NLGN1: variants seen among roughly 807,000 people sequenced by gnomAD.
The protein encoded by NLGN1 is neuroligin-1.
In NLGN1, 12 loss-of-function variants were observed where a neutral mutation model predicts 65.5. The observed-to-expected ratio is 0.18, with a 90% CI of 0.12 to 0.30. The LOEUF (loss-of-function observed/expected upper bound fraction) is 0.30, where lower values mean the gene tolerates loss of function less well. Among genes scored for constraint, NLGN1 ranks in the 10% least tolerant of loss-of-function variants. The pLI, the probability that NLGN1 is intolerant of heterozygous loss-of-function variation, is 1.00. For missense variants in NLGN1, 750 were observed against 1,007.1 expected, an observed-to-expected ratio of 0.74 and a Z score of 3.46; for synonymous variants, 350 against 359.5, an observed-to-expected ratio of 0.97 and a Z score of 0.30.
At chr3:174,226,038 ATGT>A (rs1217240250) in intron 4 of NLGN1, among the ~76,000 whole-genome samples, 1 of 152,128 alleles carries the variant, frequency 6.6e-6, no homozygotes, top group Non-Finnish European at 1.5e-5. Flanking sequence ...ACTGAAGGTG[ATGT>A]TCTCTTTATG....
At chr3:173,644,579 A>C (rs545574385) in intron 3 of NLGN1, 1 of 164,002 alleles carries the variant, frequency 6.1e-6, no homozygotes, top group Admixed American at 6.5e-5. Context: ...ATCACCCTGG[A>C]GTATGCTGTG....
chr3:173,699,044 C>T (rs376971634), intron 3 of NLGN1, among the ~76,000 whole-genome samples: 43 of 152,130 alleles, frequency 2.8e-4, no homozygotes, highest in Admixed American at 1.6e-3. Flanking sequence ...TTAGTAGAGA[C>T]GCGTTATCTC....
rs1183753968 is a variant in NLGN1 at position 173,857,019 on chromosome 3, AT to A, written c.646+49188del. On this transcript the variant is annotated intron_variant, in intron 4 of 6. Coordinates refer to ENST00000457714, the Ensembl canonical transcript of NLGN1. ...CTTTGGTATTTGCAAAAGGCGTTAG[AT>A]AAAAAAAAAAAAAAGAGGCATGAAT... Among the ~76,000 whole-genome samples the A allele has an allele frequency of 6.4e-3, 566 of 88,144 alleles. 5 individuals carry two copies. Among genetic ancestry groups the A allele is most frequent in the African/African-American group, 0.018 (520 of 29,210 alleles). The allele number at this position is 88,144 out of a possible 152,430, so 57.8% of individuals were successfully genotyped here.
intron 4 of NLGN1, among the ~76,000 whole-genome samples, chr3:174,158,975 T>G (rs1725991610): frequency 6.6e-6 from 1 of 151,642 alleles, no homozygotes; most frequent in African/African-American, 2.4e-5. Context: ...TCAAAAATTG[T>G]GTTTTTGCAG....
chr3:173,800,530 A>C (rs1488552), intron 3 of NLGN1, among the ~76,000 whole-genome samples: 103,395 of 151,310 alleles, frequency 0.68, 36,028 homozygotes, highest in Non-Finnish European at 0.75. Flanking sequence ...TTTTTTAAAA[A>C]ATTAATATTA....
intron 2 of NLGN1, among the ~76,000 whole-genome samples, chr3:173,598,457 G>T: frequency 6.6e-6 from 1 of 152,088 alleles, no homozygotes; most frequent in East Asian, 1.9e-4. Flanking sequence ...GTATGAACAC[G>T]CTGCTTTAGA....
chr3:173,653,170 A>G (rs1206327244), intron 3 of NLGN1, among the ~76,000 whole-genome samples: 3 of 152,170 alleles, frequency 2.0e-5, no homozygotes, highest in Non-Finnish European at 2.9e-5. Flanking sequence ...TAGATATAAC[A>G]TCATATCATC....
At chr3:173,921,590 A>G (rs1487238334) in intron 4 of NLGN1, among the ~76,000 whole-genome samples, 1 of 151,934 alleles carries the variant, frequency 6.6e-6, no homozygotes, top group Non-Finnish European at 1.5e-5. Flanking sequence ...TTATCAAGAT[A>G]TTTTTCCAAC....
Position 173,877,977 on chromosome 3 carries a change from A to G in NLGN1, c.646+70145A>G, listed in dbSNP as rs574800441. On this transcript the variant is annotated intron_variant, in intron 4 of 6. Transcript: ENST00000457714. ...ACTACTGTTATATGGTCTTCAAATT[A>G]ACTGACTTACCTCTAGGGAATACAG... Among the ~76,000 whole-genome samples, 8 of 152,330 alleles carry G rather than the reference A, an allele frequency of 5.3e-5. No homozygotes were observed. In the East Asian group the frequency reaches 7.7e-4, roughly 15 times the overall value.
In NLGN1 at chr3:173,973,505, C is replaced by T. The variant is rs1033052185; in HGVS notation, c.646+165673C>T. On this transcript the variant is annotated intron_variant, in intron 4 of 6. Transcript: ENST00000457714. ...AATTAGTCAAGCTCTGAAGGAGTTT[C>T]GAATAAATATATGATAACAAATTTT... Among the ~76,000 whole-genome samples the T allele has an allele frequency of 2.7e-5, 4 of 150,476 alleles. No homozygotes were observed. In the East Asian group the frequency reaches 5.8e-4, roughly 22 times the overall value.
At chr3:173,641,060 G>A (rs1757340924) in intron 3 of NLGN1, among the ~76,000 whole-genome samples, 1 of 152,104 alleles carries the variant, frequency 6.6e-6, no homozygotes, top group Non-Finnish European at 1.5e-5. Context: ...GATATTTTAA[G>A]ATAGTGTACC....
In NLGN1 at chr3:173,815,268, C is replaced by T. The variant is rs552068456; in HGVS notation, c.646+7436C>T. ...TACTACAGGCGCCTGCCACCACACC[C>T]GGCTAATTTTTTGTATTTTTAGTAG... On this transcript the variant is annotated intron_variant, in intron 4 of 6. Coordinates refer to ENST00000457714, the Ensembl canonical transcript of NLGN1. Among the ~76,000 whole-genome samples the T allele has an allele frequency of 3.3e-5, 5 of 152,000 alleles. No individual in the cohort carries two copies. The South Asian group carries it at 6.3e-4, about 19-fold the overall frequency.
intron 2 of NLGN1, among the ~76,000 whole-genome samples, chr3:173,556,068 G>A (rs1741656864): frequency 6.6e-6 from 1 of 152,046 alleles, no homozygotes; most frequent in Non-Finnish European, 1.5e-5. Flanking sequence ...CATCTAACTT[G>A]TGACCTTATT....
intron 1 of NLGN1, among the ~76,000 whole-genome samples, chr3:173,407,335 C>T (rs1176250025): frequency 6.6e-6 from 1 of 152,090 alleles, no homozygotes; most frequent in African/African-American, 2.4e-5. Context: ...ATAACATAGG[C>T]TCACTTCCTT....
chr3:173,484,396 ATTTG>A (rs1362826858), intron 2 of NLGN1, among the ~76,000 whole-genome samples: 1 of 152,118 alleles, frequency 6.6e-6, no homozygotes, highest in Non-Finnish European at 1.5e-5. Context: ...AAAATTTTCT[ATTTG>A]TTAAACAAAA....
intron 3 of NLGN1, among the ~76,000 whole-genome samples, chr3:173,651,553 G>A (rs1024550920): frequency 2.0e-5 from 3 of 151,906 alleles, no homozygotes; most frequent in African/African-American, 7.3e-5. Context: ...TTTCCATAGA[G>A]GTCTTACTAA....
chr3:174,264,612 T>C (rs1175580522), intron 4 of NLGN1, among the ~76,000 whole-genome samples: 2 of 149,950 alleles, frequency 1.3e-5, no homozygotes, highest in African/African-American at 4.9e-5. Context: ...TTTCAACTTC[T>C]TTGCCTTTGG....
intron 3 of NLGN1, among the ~76,000 whole-genome samples, chr3:173,721,793 CA>C: frequency 6.6e-6 from 1 of 152,274 alleles, no homozygotes; most frequent in African/African-American, 2.4e-5. Flanking sequence ...GCCACTAGCA[CA>C]TGACTTATTC....
intron 4 of NLGN1, among the ~76,000 whole-genome samples, chr3:173,904,139 A>G (rs1057502547): frequency 5.9e-5 from 9 of 152,256 alleles, no homozygotes; most frequent in African/African-American, 1.2e-4. Flanking sequence ...CAAACTATCA[A>G]TGGCTTTTGG....
Sources: allele counts gnomAD v4.1 joint callset (sites outside exome capture counted in the v4.1 genomes callset), GRCh38; gene constraint gnomAD v4.1.1; transcripts MANE v1.5; gene names NCBI Gene and HGNC (gene_info 2026-07-23, HGNC 2026-07-21).